The following SIL1 variants were observed in gnomAD, a reference collection of about 807,000 sequenced individuals.
SIL1 encodes the protein SIL1 nucleotide exchange factor.
Under a neutral mutation model 49.1 loss-of-function variants are expected in SIL1, and 40 were observed. The ratio of observed to expected loss-of-function variants is 0.81; its 90% CI spans 0.63 to 1.06. SIL1 has a LOEUF of 1.06. Ranked by LOEUF, SIL1 falls within the 50% of genes least tolerant of loss-of-function variation. The pLI is 0.00. For missense variants in SIL1, 500 were observed against 572.6 expected (o/e 0.87, Z 1.29); for synonymous variants, 253 against 250.8 (o/e 1.01, Z -0.08).
rs375344231 is a variant in SIL1, at chr5:139,054,451, TA to T, written c.245-3406del. Among the ~76,000 whole-genome samples the T allele has an allele frequency of 1.9e-4, 29 of 152,218 alleles. No homozygotes were observed. In the East Asian group the frequency reaches 3.5e-3, roughly 18 times the overall value. On this transcript the variant is annotated intron_variant, in intron 3 of 9. Transcript: ENST00000394817. Reference sequence around the variant, plus strand: ...TAATTATTTGTTAAGTGAAAATGTTTAAAAGAAAGAGGGAATTCCTAGCTGA... The same window carrying T: ...TAATTATTTGTTAAGTGAAAATGTTTAAAGAAAGAGGGAATTCCTAGCTGA...
At chr5:139,111,343 C>A (rs1770834055) in intron 3 of SIL1, among the ~76,000 whole-genome samples, 1 of 152,216 alleles carries the variant, frequency 6.6e-6, no homozygotes, top group African/African-American at 2.4e-5. Context: ...GAAGCCAAGA[C>A]TGTCCATCTG....
chr5:138,949,766 G>A (rs374326031), intron 9 of SIL1, among the ~76,000 whole-genome samples: 1 of 142,876 alleles, frequency 7.0e-6, no homozygotes, highest in Non-Finnish European at 1.5e-5. Flanking sequence ...AGCCAAGATC[G>A]TGCCACTGGG....
chr5:139,100,430 T>C (rs1009797927), intron 3 of SIL1, among the ~76,000 whole-genome samples: 3 of 152,182 alleles, frequency 2.0e-5, no homozygotes, highest in African/African-American at 7.2e-5. Flanking sequence ...GAGGTAATGG[T>C]GAGCCGCATC....
chr5:138,955,874 CG>C (rs1173683101), intron 7 of SIL1, among the ~76,000 whole-genome samples: 1 of 152,118 alleles, frequency 6.6e-6, no homozygotes, highest in East Asian at 1.9e-4. Flanking sequence ...GTCAACCAAC[CG>C]GAACAACAAG....
At chr5:139,039,245 CCGT>C (rs1768986986) in intron 5 of SIL1, among the ~76,000 whole-genome samples, 1 of 152,178 alleles carries the variant, frequency 6.6e-6, no homozygotes, top group Non-Finnish European at 1.5e-5. Context: ...TGAGTTCAGG[CCGT>C]CCACTTGGCT....
intron 1 of SIL1, among the ~76,000 whole-genome samples, chr5:139,193,503 G>A (rs189462178): frequency 6.6e-5 from 10 of 152,236 alleles, no homozygotes; most frequent in African/African-American, 9.6e-5. Flanking sequence ...AGGAGGCAGA[G>A]GCCACAGTGA....
chr5:138,980,438 G>A (rs113942219), intron 7 of SIL1, among the ~76,000 whole-genome samples: 7 of 152,158 alleles, frequency 4.6e-5, no homozygotes, highest in African/African-American at 1.7e-4. Flanking sequence ...TCCCATGGCA[G>A]GGAAGGAGGT....
At chr5:139,055,633 TC>T (rs1769392108) in intron 3 of SIL1, among the ~76,000 whole-genome samples, 1 of 36,954 alleles carries the variant, frequency 2.7e-5, no homozygotes, top group Non-Finnish European at 5.2e-5. Context: ...TCTCCCCCTC[TC>T]CCCCTCTCCC....
At chr5:139,078,430 C>A (rs760877283) in intron 3 of SIL1, among the ~76,000 whole-genome samples, 1 of 152,146 alleles carries the variant, frequency 6.6e-6, no homozygotes, top group Non-Finnish European at 1.5e-5. Flanking sequence ...TGAAGCCCTC[C>A]AGACTTGATT....
intron 3 of SIL1, among the ~76,000 whole-genome samples, chr5:139,097,281 C>T (rs941288863): frequency 5.9e-5 from 9 of 152,024 alleles, no homozygotes; most frequent in African/African-American, 1.9e-4. Flanking sequence ...GGGGAGCTGG[C>T]TGCCCTGAAG....
chr5:139,148,428 C>A (rs1751233124), intron 1 of SIL1, among the ~76,000 whole-genome samples: 2 of 152,212 alleles, frequency 1.3e-5, no homozygotes, highest in Admixed American at 1.3e-4. Flanking sequence ...CCCAGGAAGT[C>A]TCTCCTGCCA....
chr5:138,979,431 CCTAT>C (rs1203022704), intron 7 of SIL1, among the ~76,000 whole-genome samples: 2 of 152,190 alleles, frequency 1.3e-5, no homozygotes, highest in Non-Finnish European at 2.9e-5. Flanking sequence ...AAAAGAAACA[CCTAT>C]CTGTCTTGTT....
At chr5:138,997,976 CTCTTT>C (rs2150409866) in intron 7 of SIL1, among the ~76,000 whole-genome samples, 1 of 152,230 alleles carries the variant, frequency 6.6e-6, no homozygotes, top group African/African-American at 2.4e-5. Flanking sequence ...TTAGAATCGT[CTCTTT>C]TATTTCTCTG....
chr5:139,182,143 G>A (rs1350118844), intron 1 of SIL1, among the ~76,000 whole-genome samples: 3 of 152,176 alleles, frequency 2.0e-5, no homozygotes, highest in South Asian at 4.1e-4. Context: ...AGCCCGGGGG[G>A]CTTTCTCCTT....
At chr5:139,146,500 G>A (rs1751199676) in intron 1 of SIL1, among the ~76,000 whole-genome samples, 1 of 152,162 alleles carries the variant, frequency 6.6e-6, no homozygotes, top group South Asian at 2.1e-4. Flanking sequence ...GGAGGCTGCA[G>A]TTAGTCATGA....
At chr5:139,018,087 G>C (rs1768439175) in intron 7 of SIL1, among the ~76,000 whole-genome samples, 1 of 152,170 alleles carries the variant, frequency 6.6e-6, no homozygotes, top group African/African-American at 2.4e-5. Flanking sequence ...ATATAAGTGT[G>C]AATAGTATTT....
intron 3 of SIL1, among the ~76,000 whole-genome samples, chr5:139,054,416 A>T (rs550881304): frequency 2.0e-5 from 3 of 152,252 alleles, no homozygotes; most frequent in African/African-American, 7.2e-5. Context: ...TCTCTAAATT[A>T]AAAAAATAAT....
intron 1 of SIL1, among the ~76,000 whole-genome samples, chr5:139,129,899 G>T (rs1159425508): frequency 6.6e-6 from 1 of 152,100 alleles, no homozygotes; most frequent in South Asian, 2.1e-4. Context: ...AAATTAAAAA[G>T]CTTTTGGGTC....
intron 1 of SIL1, among the ~76,000 whole-genome samples, chr5:139,175,733 C>T (rs1478733676): frequency 6.6e-6 from 1 of 152,202 alleles, no homozygotes; most frequent in Non-Finnish European, 1.5e-5. Context: ...GAGGCCGAGG[C>T]AGGCAGATCA....
Sources: allele counts gnomAD v4.1 joint callset (sites outside exome capture counted in the v4.1 genomes callset), GRCh38; gene constraint gnomAD v4.1.1; transcripts MANE v1.5; gene names NCBI Gene and HGNC (gene_info 2026-07-23, HGNC 2026-07-21).